The following GPC6 variants were observed in gnomAD, a reference collection of about 807,000 sequenced individuals.
GPC6 encodes glypican 6.
In GPC6, 14 loss-of-function variants were observed where a neutral mutation model predicts 55.2. The ratio of observed to expected loss-of-function variants is 0.25; its 90% confidence interval spans 0.17 to 0.40. GPC6 has a LOEUF of 0.40. GPC6 is among the 10% of genes least tolerant of loss of function. The pLI, the probability that GPC6 is intolerant of heterozygous loss-of-function variation, is 1.00. For synonymous variants in GPC6, 278 were observed against 259.6 expected (o/e 1.07, Z -0.68); for missense variants, 641 against 708.5 (o/e 0.90, Z 1.08).
Position 94,040,832 on chromosome 13 carries a change from A to T in GPC6, c.877+12938A>T, listed in dbSNP as rs565509106. On this transcript the variant is annotated intron_variant, in intron 4 of 8. Transcript: ENST00000377047. ...ATAGTGGCCATGCAATATTAAAAAA[A>T]TTTAACAATGAATTGTGTTGAATGG... Among the ~76,000 whole-genome samples the T allele has an allele frequency of 3.9e-5, 6 of 152,040 alleles. No homozygotes were observed. The East Asian group carries it at 1.2e-3, about 29-fold the overall frequency.
chr13:94,403,072 C>T lies in GPC6; in HGVS notation c.1523C>T (p.Thr508Met), dbSNP rs1215726938. The T allele has an allele frequency of 4.3e-6, 7 of 1,613,502 alleles. No homozygotes were observed. Among genetic ancestry groups the T allele is most frequent in the East Asian group, 2.2e-5 (1 of 44,890 alleles). ...GGGTGCATGGATGACGTGTGTCCCA[C>T]GGAGTTTGAGTTTGTCACCACAGAG... ...GSGCMDDVCP[T>M]EFEFVTTEAP... The change falls in exon 9 of 9, where the codon ACG (threonine) becomes ATG (methionine). Residue 508 changes from threonine (T) to methionine (M), a missense_variant. Physicochemically the swap from Thr to Met is moderately conservative, Grantham distance 81 (BLOSUM62 -1). Transcript: ENST00000377047.
At chr13:93,248,464 A>G (rs1231430637) in intron 1 of GPC6, among the ~76,000 whole-genome samples, 3 of 148,586 alleles carry the variant, frequency 2.0e-5, no homozygotes, top group Non-Finnish European at 3.0e-5. Flanking sequence ...TTTTTAAGTG[A>G]GCCTCTGTCA....
In GPC6 at chr13:93,327,234, A is replaced by G. The variant is rs932255146; in HGVS notation, c.160+99618A>G. Reference sequence around the variant, plus strand: ...ACTTGTGATGACTGGTGATCATTTTATTTGTTCTAAGCATTGTTCAAATAA... The same window carrying G: ...ACTTGTGATGACTGGTGATCATTTTGTTTGTTCTAAGCATTGTTCAAATAA... On this transcript the variant is annotated intron_variant, in intron 1 of 8. Transcript: ENST00000377047. Among the ~76,000 whole-genome samples the G allele has an allele frequency of 2.0e-5, 3 of 152,094 alleles. No homozygotes were observed. The East Asian group carries it at 5.8e-4, about 29-fold the overall frequency.
intron 1 of GPC6, among the ~76,000 whole-genome samples, chr13:93,336,014 T>G (rs113285268): frequency 1.5e-4 from 23 of 152,346 alleles, no homozygotes; most frequent in Non-Finnish European, 2.8e-4. Context: ...AAGATTTAAA[T>G]CTTCCTCTAA....
intron 6 of GPC6, among the ~76,000 whole-genome samples, chr13:94,310,219 T>G (rs766196499): frequency 7.2e-5 from 11 of 152,156 alleles, no homozygotes; most frequent in Non-Finnish European, 1.3e-4. Flanking sequence ...AGCTGATTCA[T>G]TAGAGTAAAA....
intron 2 of GPC6, among the ~76,000 whole-genome samples, chr13:93,630,628 C>T (rs186737914): frequency 4.6e-5 from 7 of 152,130 alleles, no homozygotes; most frequent in East Asian, 1.9e-4. Flanking sequence ...TAAAAATTGA[C>T]GCTTTTTGGT....
intron 3 of GPC6, among the ~76,000 whole-genome samples, chr13:93,992,806 C>T (rs748455868): frequency 1.3e-5 from 2 of 151,976 alleles, no homozygotes; most frequent in African/African-American, 2.4e-5. Context: ...TTTAAAAGGA[C>T]GGTGTATAGA....
intron 3 of GPC6, among the ~76,000 whole-genome samples, chr13:93,917,244 G>A (rs1877337758): frequency 1.3e-5 from 2 of 152,096 alleles, no homozygotes; most frequent in South Asian, 2.1e-4. Flanking sequence ...ATTTTTAAGT[G>A]AGGCCAATTT....
intron 2 of GPC6, among the ~76,000 whole-genome samples, chr13:93,696,671 G>A (rs1249442276): frequency 1.3e-5 from 2 of 148,924 alleles, no homozygotes; most frequent in East Asian, 4.0e-4. Flanking sequence ...GCCCAGACTG[G>A]AGTGCAGTGG....
intron 2 of GPC6, among the ~76,000 whole-genome samples, chr13:93,549,570 A>C (rs74108592): frequency 0.015 from 2,282 of 152,204 alleles, 52 homozygotes; most frequent in African/African-American, 0.052. Flanking sequence ...TCCCAGGCTG[A>C]GCACTCCTGG....
intron 1 of GPC6, among the ~76,000 whole-genome samples, chr13:93,525,922 G>T (rs892913909): frequency 6.6e-6 from 1 of 152,098 alleles, no homozygotes; most frequent in Non-Finnish European, 1.5e-5. Context: ...TTATGTATTT[G>T]CTATACACAT....
chr13:93,395,932 A>G (rs573898105), intron 1 of GPC6: 27 of 152,362 alleles, frequency 1.8e-4, no homozygotes, highest in Admixed American at 1.6e-3. Context: ...TTATTTTCCA[A>G]GCTAAAGGAA....
At position 94,291,213 on chromosome 13, in the gene GPC6, GA is replaced by G. The variant is rs368447285; in HGVS notation, c.1008+4744del. 3.0e-3 allele frequency among the ~76,000 whole-genome samples: 424 copies of G among 141,636 alleles called. 1 individual carries two copies. Among genetic ancestry groups the G allele is most frequent in the African/African-American group, 0.01 (394 of 38,488 alleles). The allele number at this position is 141,636 out of a possible 152,430, so 92.9% of individuals were successfully genotyped here. On this transcript the variant is annotated intron_variant, in intron 5 of 8. Transcript: ENST00000377047. ...ATCTCAAAACAAAAAAGAAAAGAAA[GA>G]AAAAAAAAAGGGATAATATAGGGCA...
chr13:93,591,206 G>A (rs1405753514), intron 2 of GPC6, among the ~76,000 whole-genome samples: 1 of 150,512 alleles, frequency 6.6e-6, no homozygotes, highest in Non-Finnish European at 1.5e-5. Context: ...GCTCATGTCT[G>A]TAATCCCAGC....
rs191764831 is a variant in GPC6, at chr13:93,567,186, C to T, written c.319+21765C>T. On this transcript the variant is annotated intron_variant, in intron 2 of 8. Coordinates refer to ENST00000377047, the MANE Select transcript of GPC6 (RefSeq NM_005708.5). ...ACTAATTTACACTTCCATCAACAGT[C>T]GTATTAACAATTACAATAATAATAC... Among the ~76,000 whole-genome samples, 566 of 152,134 alleles carry T rather than the reference C, an allele frequency of 3.7e-3. 4 individuals are homozygous for T. Among genetic ancestry groups the T allele is most frequent in the African/African-American group, 0.013 (546 of 41,504 alleles).
chr13:93,583,244 C>A (rs1295652716), intron 2 of GPC6, among the ~76,000 whole-genome samples: 1 of 152,192 alleles, frequency 6.6e-6, no homozygotes, highest in Non-Finnish European at 1.5e-5. Flanking sequence ...CATCTCTCAG[C>A]ATTTAGTCGT....
chr13:93,249,688 T>C (rs939208148), intron 1 of GPC6, among the ~76,000 whole-genome samples: 23 of 152,226 alleles, frequency 1.5e-4, no homozygotes, highest in Admixed American at 1.4e-3. Context: ...TTTCCAGTGG[T>C]AACTAGCAGA....
chr13:93,639,058 A>G (rs1879807466), intron 2 of GPC6, among the ~76,000 whole-genome samples: 1 of 152,116 alleles, frequency 6.6e-6, no homozygotes, highest in Non-Finnish European at 1.5e-5. Context: ...ATGGTACTAC[A>G]TTGTAGTGGA....
chr13:93,948,170 TC>T (rs1331838211), intron 3 of GPC6, among the ~76,000 whole-genome samples: 1 of 152,210 alleles, frequency 6.6e-6, no homozygotes, highest in Non-Finnish European at 1.5e-5. Flanking sequence ...GACACTTTTC[TC>T]CTTACCAAAA....
Sources: allele counts gnomAD v4.1 joint callset (sites outside exome capture counted in the v4.1 genomes callset), GRCh38; gene constraint gnomAD v4.1.1; transcripts MANE v1.5; gene names NCBI Gene and HGNC (gene_info 2026-07-23, HGNC 2026-07-21).